FBXL18: variants seen among roughly 807,000 people sequenced by gnomAD.
FBXL18 encodes F-box/LRR-repeat protein 18.
Under a neutral mutation model 46.0 loss-of-function variants are expected in FBXL18, and 36 were observed. That is an observed-to-expected ratio of 0.78 (90% CI 0.60 to 1.03). The LOEUF is 1.03. FBXL18 is among the 50% of genes least tolerant of loss of function. FBXL18 has a pLI of 0.00. For missense variants in FBXL18, 977 were observed against 1,004.1 expected, an observed-to-expected ratio of 0.97 and a Z score of 0.36; for synonymous variants, 557 against 465.3, an observed-to-expected ratio of 1.20 and a Z score of -2.54.
chr7:5,494,418 C>T (rs777341848), intron 3 of FBXL18, among the ~76,000 whole-genome samples: 1 of 151,774 alleles, frequency 6.6e-6, no homozygotes, highest in East Asian at 1.9e-4. Context: ...GGTGACAGAG[C>T]GAGACTCTGT....
intron 1 of FBXL18, among the ~76,000 whole-genome samples, chr7:5,509,345 C>T (rs1784471290): frequency 6.6e-6 from 1 of 152,132 alleles, no homozygotes; most frequent in Admixed American, 6.6e-5. Context: ...CTCTCTCCAT[C>T]CAGCCACAGC....
chr7:5,509,034 A>T (rs749314891), intron 1 of FBXL18, among the ~76,000 whole-genome samples: 1 of 151,950 alleles, frequency 6.6e-6, no homozygotes, highest in Non-Finnish European at 1.5e-5. Flanking sequence ...CTCCACTAAA[A>T]ATACAAAACT....
Position 5,467,813 on chromosome 7 carries a change from G to T in FBXL18, c.2001-19970C>A, listed in dbSNP as rs188182349. Among the ~76,000 whole-genome samples the T allele has an allele frequency of 4.6e-4, 70 of 152,194 alleles. 1 individual carries two copies. Among genetic ancestry groups the T allele is most frequent in the Non-Finnish European group, 6.2e-4 (42 of 67,998 alleles). ...GAAACAGCAGCCTAAGGAGATGGGA[G>T]CTGCTTTCCTTAGGAGACTGACTCA... On this transcript the variant is annotated intron_variant and NMD_transcript_variant, in intron 4 of 6. Transcript: ENST00000415009.
chr7:5,485,879 C>G (rs976999307), intron 4 of FBXL18, among the ~76,000 whole-genome samples: 1 of 151,676 alleles, frequency 6.6e-6, no homozygotes, highest in African/African-American at 2.4e-5. Flanking sequence ...CATGGTGAAA[C>G]CCCATCTCTA....
chr7:5,463,724 ATTTATTTTT>A (rs1783294497), intron 4 of FBXL18, among the ~76,000 whole-genome samples: 5 of 59,668 alleles, frequency 8.4e-5, no homozygotes, highest in African/African-American at 3.7e-4. Context: ...TTATTTATTT[ATTTATTTTT>A]TTTTTTTTTT....
rs903287143 is a variant in FBXL18 at position 5,481,962 on chromosome 7, C to T, written c.2001-31G>A. On this transcript the variant is annotated intron_variant, in intron 4 of 4. Coordinates refer to ENST00000382368, the MANE Select transcript of FBXL18 (RefSeq NM_024963.6). ...CCAGAGACAGGCGGTCAGCGGATTACATGGGTGGCCACGGAGGGGGCGGAG... is the reference window on the plus strand; with the variant it reads ...CCAGAGACAGGCGGTCAGCGGATTATATGGGTGGCCACGGAGGGGGCGGAG... The T allele has an allele frequency of 1.9e-6, 3 of 1,573,060 alleles. No individual in the cohort carries two copies. In the African/African-American group the frequency reaches 4.0e-5, roughly 21 times the overall value.
Position 5,501,806 on chromosome 7 carries a change from G to A in FBXL18, c.463C>T (p.Pro155Ser), listed in dbSNP as rs1021913475. The part of the protein sequence containing the change: ...HLRSLAIDVS[P>S]GFDASQLSSE... ...CTCAGCTGGCTGGCGTCGAAGCCGG[G>A]GCTCACGTCGATGGCCAGCGAGCGC... is the stretch of plus-strand genomic sequence containing the variant. Residue 155 changes from proline to serine, a missense_variant, in exon 3 of 5, where the codon CCC (proline) becomes TCC (serine). Transcript: ENST00000382368. The A allele has an allele frequency of 1.3e-6, 2 of 1,575,614 alleles. No homozygotes were observed. The highest frequency in any genetic ancestry group is 1.7e-6 in the Non-Finnish European group (2 of 1,161,470).
chr7:5,487,941 G>A (rs932349764), intron 4 of FBXL18, among the ~76,000 whole-genome samples: 1 of 152,258 alleles, frequency 6.6e-6, no homozygotes, highest in Non-Finnish European at 1.5e-5. Context: ...TCCTGAGGCT[G>A]CTCTCCAACA....
rs1465580357 is a variant in FBXL18 at position 5,481,874 on chromosome 7, G to T, written c.2058C>A (p.Gly686=). The T allele has an allele frequency of 3.1e-6, 5 of 1,613,606 alleles. No homozygotes were observed. The African/African-American group carries it at 4.0e-5, about 13-fold the overall frequency. The change falls in exon 5 of 5, where the codon GGC becomes GGA. Residue 686 remains glycine, a synonymous_variant. Transcript: ENST00000382368. The part of the protein sequence containing the change: ...NVVIFPLLHE[G]LTDVIRDVPL... ...GGACGTCCCGGATGACGTCGGTCAG[G>T]CCCTCGTGGAGCAGAGGGAAGATGA...
downstream of FBXL18, among the ~76,000 whole-genome samples, chr7:5,472,552 GGGCCACATGGAGAGGCCACGTGACAA>G (rs377243175): frequency 4.6e-5 from 7 of 151,716 alleles, no homozygotes; most frequent in African/African-American, 1.7e-4. Context: ...CCACATGGAG[GGGCCACATGGAGAGGCCACGTGACAA>G]GGCCACATGG....
At chr7:5,505,327 A>G in intron 2 of FBXL18, 85 bp downstream of exon 2, 1 of 1,270,648 alleles carries the variant, frequency 7.9e-7, no homozygotes, top group South Asian at 1.3e-5. Flanking sequence ...ATATCAGCAC[A>G]CAGGGTTCCA....
rs1784253361 is a variant in FBXL18 at position 5,501,461 on chromosome 7, G to A, written c.808C>T (p.Pro270Ser). 1 of 1,613,768 alleles carries A rather than the reference G, an allele frequency of 6.2e-7. No individual in the cohort carries two copies. Residue 270 changes from proline (P) to serine (S), a missense_variant, in exon 3 of 5, where the codon CCT (proline) becomes TCT (serine). Pro to Ser is a moderately conservative substitution (Grantham distance 74, BLOSUM62 -1). Transcript: ENST00000382368. ...QNLHAFLISV[P>S]GSFAESGATK... Reference sequence around the variant, plus strand: ...GCGCCGCTCTCCGCGAAGCTGCCAGGGACGGAGATGAGGAAGGCGTGGAGG... The same window carrying A: ...GCGCCGCTCTCCGCGAAGCTGCCAGAGACGGAGATGAGGAAGGCGTGGAGG...
At chr7:5,508,608 C>CAA (rs553020796) in intron 1 of FBXL18, among the ~76,000 whole-genome samples, 5 of 135,790 alleles carry the variant, frequency 3.7e-5, no homozygotes, top group Non-Finnish European at 3.2e-5. Context: ...GACCTTGTCT[C>CAA]AAAAAAAAAA....
intron 4 of FBXL18, among the ~76,000 whole-genome samples, chr7:5,465,758 A>T (rs1384275074): frequency 2.6e-5 from 4 of 152,126 alleles, no homozygotes; most frequent in African/African-American, 9.7e-5. Context: ...AGTTCACTGG[A>T]AGCCCAAACC....
intron 1 of FBXL18, among the ~76,000 whole-genome samples, chr7:5,513,447 G>A (rs1423932272): frequency 1.3e-5 from 2 of 152,162 alleles, no homozygotes; most frequent in African/African-American, 4.8e-5. Context: ...GGGGGAGACA[G>A]CTTGTGCCTT....
intron 3 of FBXL18, among the ~76,000 whole-genome samples, chr7:5,492,396 A>G (rs534271678): frequency 2.0e-5 from 3 of 151,448 alleles, no homozygotes; most frequent in South Asian, 2.1e-4. Flanking sequence ...AGCCCCTGAG[A>G]TAAGAATCAA....
intron 3 of FBXL18, among the ~76,000 whole-genome samples, chr7:5,499,733 A>G (rs1784180096): frequency 2.1e-4 from 1 of 4,864 alleles, no homozygotes; most frequent in South Asian, 5.8e-3. Context: ...CTCTGTCTCA[A>G]AAAAAAAAAA....
chr7:5,489,871 G>A, intron 4 of FBXL18: 2 of 651,988 alleles, frequency 3.1e-6, no homozygotes, highest in Admixed American at 3.2e-5. Flanking sequence ...TTGCAACCCA[G>A]AAAGCAGAGG....
At chr7:5,486,138 C>T (rs1783770041) in intron 4 of FBXL18, among the ~76,000 whole-genome samples, 1 of 151,288 alleles carries the variant, frequency 6.6e-6, no homozygotes, top group Admixed American at 6.6e-5. Context: ...CCTGTAATCC[C>T]AGCTACTCGG....
Sources: gnomAD v4.1 joint callset for allele counts (sites outside exome capture counted in the v4.1 genomes callset) on GRCh38, gnomAD v4.1.1 for gene constraint, MANE v1.5 for transcripts, NCBI Gene and HGNC (gene_info 2026-07-23, HGNC 2026-07-21) for gene names.